The following ANO4 variants were observed in gnomAD, a reference collection of about 807,000 sequenced individuals.
ANO4 encodes the protein anoctamin-4.
ANO4 carries 69 observed loss-of-function variants against 141.9 expected under a neutral mutation model. The ratio of observed to expected loss-of-function variants is 0.49; its 90% CI spans 0.40 to 0.59. The LOEUF is 0.59. ANO4 is among the 20% of genes least tolerant of loss of function. The pLI, the probability that ANO4 is intolerant of heterozygous loss-of-function variation, is 0.00. For synonymous variants in ANO4, 350 were observed against 394.3 expected (o/e 0.89, Z 1.33); for missense variants, 894 against 1,162.2 (o/e 0.77, Z 3.36).
intron 9 of ANO4, among the ~76,000 whole-genome samples, chr12:101,031,351 T>C (rs2046965770): frequency 6.6e-6 from 1 of 152,158 alleles, no homozygotes; most frequent in Non-Finnish European, 1.5e-5. Context: ...ATTATCTCAA[T>C]AGATGCAGAA....
At chr12:100,747,643 G>A in intron 3 of ANO4, among the ~76,000 whole-genome samples, 1 of 152,224 alleles carries the variant, frequency 6.6e-6, no homozygotes, top group Non-Finnish European at 1.5e-5. Flanking sequence ...GGGAGGCCAA[G>A]GTGGGTGGAT....
At chr12:100,942,245 C>T in intron 4 of ANO4, 132 bp from the exon 5 acceptor site, 1 of 987,070 alleles carries the variant, frequency 1.0e-6, no homozygotes, top group Admixed American at 2.9e-5. Flanking sequence ...TCCCAAAGTG[C>T]TGGGATTACA....
Position 100,775,162 on chromosome 12 carries a change from G to T in ANO4, c.358+35057G>T, listed in dbSNP as rs78551280. 5.5e-3 allele frequency among the ~76,000 whole-genome samples: 831 copies of T among 152,238 alleles called. 7 individuals carry two copies. The highest frequency in any genetic ancestry group is 8.8e-3 in the Non-Finnish European group (598 of 67,998). On this transcript the variant is annotated intron_variant, in intron 3 of 29. Coordinates refer to the ANO4 transcript ENST00000644049. The stretch of plus-strand genomic sequence containing the variant: ...CTTTTCAAATTTGCATTTAAAGAAC[G>T]CTTGTTTGGGGCTGTCCGAGTGAAA...
At chr12:100,903,023 C>T (rs1390729555) in intron 2 of ANO4, among the ~76,000 whole-genome samples, 3 of 152,142 alleles carry the variant, frequency 2.0e-5, no homozygotes, top group Non-Finnish European at 4.4e-5. Context: ...TACCCTTTTC[C>T]CTCTTCTGCC....
At chr12:100,842,382 C>A (rs139595648) in intron 1 of ANO4, 1 of 151,194 alleles carries the variant, frequency 6.6e-6, no homozygotes, top group Non-Finnish European at 1.5e-5. Context: ...ATCTCCCCTC[C>A]GCAGCTGTTT....
At chr12:100,990,641 C>G (rs763058592) in intron 8 of ANO4, among the ~76,000 whole-genome samples, 1 of 152,078 alleles carries the variant, frequency 6.6e-6, no homozygotes, top group African/African-American at 2.4e-5. Context: ...AGTTTGGACC[C>G]TGGTGTAGTA....
At chr12:100,969,323 T>C (rs1173723586) in intron 5 of ANO4, among the ~76,000 whole-genome samples, 1 of 152,200 alleles carries the variant, frequency 6.6e-6, no homozygotes, top group Non-Finnish European at 1.5e-5. Flanking sequence ...AGCCAGAAGA[T>C]AAAACCTCAT....
intron 14 of ANO4, among the ~76,000 whole-genome samples, chr12:101,062,824 G>C (rs567301278): frequency 6.6e-6 from 1 of 152,218 alleles, no homozygotes; most frequent in Non-Finnish European, 1.5e-5. Context: ...GCTGGGCTCC[G>C]TAGGGGTGGG....
chr12:101,019,569 A>G (rs2046440926), intron 8 of ANO4, among the ~76,000 whole-genome samples: 1 of 152,188 alleles, frequency 6.6e-6, no homozygotes, highest in African/African-American at 2.4e-5. Flanking sequence ...CTCACCTGTG[A>G]GCCAGACCAC....
At chr12:101,025,654 A>C (rs1015188514) in intron 9 of ANO4, among the ~76,000 whole-genome samples, 5 of 152,230 alleles carry the variant, frequency 3.3e-5, no homozygotes, top group African/African-American at 1.2e-4. Flanking sequence ...GAATACTCAG[A>C]AAAGTCTTTC....
intron 3 of ANO4, among the ~76,000 whole-genome samples, chr12:100,923,793 C>T (rs2041744847): frequency 6.6e-6 from 1 of 152,168 alleles, no homozygotes; most frequent in Non-Finnish European, 1.5e-5. Context: ...TCCTCTCCAG[C>T]ATCTGTTGTT....
At position 101,070,321 on chromosome 12, in the gene ANO4, A is replaced by G. The variant is rs376395336; in HGVS notation, c.1313-8872A>G. On this transcript the variant is annotated intron_variant, in intron 14 of 27. Coordinates refer to ENST00000392977, the MANE Select transcript of ANO4 (RefSeq NM_001286615.2). ...CAAGTACTAGCATAAAAAAACAGAC[A>G]TATAGACCAATGGGATAGAATAGAG... Among the ~76,000 whole-genome samples, 31 of 152,292 alleles carry G rather than the reference A, an allele frequency of 2.0e-4. No individual in the cohort carries two copies. The East Asian group carries it at 4.8e-3, about 24-fold the overall frequency.
At chr12:101,040,575 C>T (rs1009378229) in intron 11 of ANO4, among the ~76,000 whole-genome samples, 1 of 152,046 alleles carries the variant, frequency 6.6e-6, no homozygotes, top group Non-Finnish European at 1.5e-5. Context: ...CAGCTTTTAA[C>T]CTATGATAAT....
chr12:100,794,231 A>C (rs1753850060), upstream of ANO4, among the ~76,000 whole-genome samples: 1 of 152,192 alleles, frequency 6.6e-6, no homozygotes, highest in South Asian at 2.1e-4. Flanking sequence ...GCTTAGGTCC[A>C]AAGCGCCATT....
At chr12:101,079,803 C>T (rs1260540490) in intron 15 of ANO4, among the ~76,000 whole-genome samples, 4 of 145,980 alleles carry the variant, frequency 2.7e-5, no homozygotes, top group African/African-American at 7.7e-5. Flanking sequence ...CAGCTCTAGA[C>T]AAAACTGCCA....
At chr12:101,096,869 A>C (rs1274960624) in intron 19 of ANO4, among the ~76,000 whole-genome samples, 1 of 152,198 alleles carries the variant, frequency 6.6e-6, no homozygotes, top group Non-Finnish European at 1.5e-5. Flanking sequence ...TGCTAAGATA[A>C]GCAGAGGAAA....
intron 1 of ANO4, among the ~76,000 whole-genome samples, chr12:100,858,038 T>C (rs957409477): frequency 6.6e-6 from 1 of 152,168 alleles, no homozygotes; most frequent in Admixed American, 6.5e-5. Context: ...GAATTTGATA[T>C]TGAGGACTTC....
intron 11 of ANO4, 34 bp from the exon 12 acceptor site, chr12:101,042,300 A>G: frequency 5.0e-6 from 8 of 1,613,648 alleles, no homozygotes; most frequent in Non-Finnish European, 6.8e-6. Context: ...TACACACTGC[A>G]CTGTAATTTG....
chr12:101,014,797 G>C (rs1038027769), intron 8 of ANO4, among the ~76,000 whole-genome samples: 1 of 152,118 alleles, frequency 6.6e-6, no homozygotes, highest in Non-Finnish European at 1.5e-5. Flanking sequence ...ACCTAGAACA[G>C]AAATGTGCTT....
Sources: allele counts gnomAD v4.1 joint callset (sites outside exome capture counted in the v4.1 genomes callset), GRCh38; gene constraint gnomAD v4.1.1; transcripts MANE v1.5; gene names NCBI Gene and HGNC (gene_info 2026-07-23, HGNC 2026-07-21).